Variants in TMEM132C observed in about 807,000 individuals in gnomAD.
TMEM132C encodes protein phosphatase 1, regulatory subunit 152.
Under a neutral mutation model 61.4 loss-of-function variants are expected in TMEM132C, and 29 were observed. The observed-to-expected ratio is 0.47, with a 90% confidence interval of 0.35 to 0.64. TMEM132C has a LOEUF of 0.64. Among genes scored for constraint, TMEM132C ranks in the 30% least tolerant of loss-of-function variants. The probability of loss-of-function intolerance (pLI) is 0.00; values close to 1 mark genes in which losing one functional copy is unlikely to be tolerated. For synonymous variants in TMEM132C, 656 were observed against 633.1 expected (o/e 1.04, Z -0.54); for missense variants, 1,408 against 1,476.9 (o/e 0.95, Z 0.76).
chr12:128,604,740 G>T (rs916165975), intron 3 of TMEM132C, among the ~76,000 whole-genome samples: 4 of 151,930 alleles, frequency 2.6e-5, no homozygotes, highest in African/African-American at 9.7e-5. Flanking sequence ...GATAGATAAT[G>T]GATGGAGGGA....
chr12:128,367,044 A>G (rs1260274012), intron 1 of TMEM132C, among the ~76,000 whole-genome samples: 1 of 152,240 alleles, frequency 6.6e-6, no homozygotes, highest in Non-Finnish European at 1.5e-5. Context: ...TGGGGCCAGA[A>G]TGAAAAGATG....
chr12:128,514,723 G>A (rs1035158667), intron 2 of TMEM132C, among the ~76,000 whole-genome samples: 2 of 152,140 alleles, frequency 1.3e-5, no homozygotes, highest in Admixed American at 1.3e-4. Flanking sequence ...GCAAAGACGA[G>A]GCATTCACCT....
chr12:128,431,494 CA>C (rs1312787917), intron 2 of TMEM132C, among the ~76,000 whole-genome samples: 1 of 150,796 alleles, frequency 6.6e-6, no homozygotes, highest in Non-Finnish European at 1.5e-5. Flanking sequence ...AGCAGATCTT[CA>C]GTGCAGGTGA....
At chr12:128,617,738 G>A (rs1312862603) in intron 4 of TMEM132C, among the ~76,000 whole-genome samples, 3 of 152,020 alleles carry the variant, frequency 2.0e-5, no homozygotes, top group African/African-American at 4.8e-5. Context: ...TGTGGAATGA[G>A]ACTAAGAGCC....
intron 2 of TMEM132C, among the ~76,000 whole-genome samples, chr12:128,480,688 G>A (rs906472590): frequency 1.3e-5 from 2 of 151,844 alleles, no homozygotes; most frequent in Non-Finnish European, 1.5e-5. Flanking sequence ...CTAGCATTTA[G>A]GGTACAGATT....
intron 2 of TMEM132C, among the ~76,000 whole-genome samples, chr12:128,482,654 C>T (rs1032526196): frequency 2.0e-5 from 3 of 151,982 alleles, no homozygotes; most frequent in African/African-American, 4.8e-5. Flanking sequence ...AATTTCAGAA[C>T]GTATTAGTCT....
At chr12:128,409,413 C>T (rs754118805) in intron 1 of TMEM132C, among the ~76,000 whole-genome samples, 2 of 152,016 alleles carry the variant, frequency 1.3e-5, no homozygotes, top group Non-Finnish European at 2.9e-5. Context: ...GACAAGCAGG[C>T]CGGTCCATGG....
chr12:128,581,464 C>T (rs183077681), intron 3 of TMEM132C, among the ~76,000 whole-genome samples: 11 of 152,244 alleles, frequency 7.2e-5, no homozygotes, highest in East Asian at 1.9e-4. Flanking sequence ...CTGTGGGTTT[C>T]GCAGTATTTC....
intron 1 of TMEM132C, among the ~76,000 whole-genome samples, chr12:128,373,539 A>G (rs756520096): frequency 6.6e-6 from 1 of 152,184 alleles, no homozygotes; most frequent in Non-Finnish European, 1.5e-5. Context: ...AGGAAAGGTG[A>G]TGATTGGGAC....
chr12:128,347,376 G>T (rs893189503), intron 1 of TMEM132C, among the ~76,000 whole-genome samples: 1 of 141,232 alleles, frequency 7.1e-6, no homozygotes, highest in Non-Finnish European at 1.5e-5. Context: ...GAATTATGCT[G>T]CCATAAGCAT....
intron 1 of TMEM132C, among the ~76,000 whole-genome samples, chr12:128,299,740 T>G (rs973373092): frequency 1.3e-5 from 2 of 152,256 alleles, no homozygotes; most frequent in African/African-American, 4.8e-5. Context: ...AAAATCCTGC[T>G]GCCGAGGGTC....
chr12:128,639,463 A>G (rs1267966836), intron 4 of TMEM132C, among the ~76,000 whole-genome samples: 2 of 152,142 alleles, frequency 1.3e-5, no homozygotes, highest in East Asian at 1.9e-4. Flanking sequence ...GGTCATGGTC[A>G]TGGTAATAGT....
chr12:128,269,973 A>G (rs915002389), intron 1 of TMEM132C, among the ~76,000 whole-genome samples: 2 of 152,232 alleles, frequency 1.3e-5, no homozygotes, highest in African/African-American at 4.8e-5. Context: ...GGGTTCGGAA[A>G]AGGCAGAATT....
At chr12:128,417,095 G>A (rs1260872030) in intron 2 of TMEM132C, among the ~76,000 whole-genome samples, 1 of 152,092 alleles carries the variant, frequency 6.6e-6, no homozygotes, top group Non-Finnish European at 1.5e-5. Flanking sequence ...TCTGAATACT[G>A]GGTTTGTTTC....
chr12:128,658,510 T>C (rs1954352249), intron 4 of TMEM132C, among the ~76,000 whole-genome samples: 1 of 151,336 alleles, frequency 6.6e-6, no homozygotes, highest in Middle Eastern at 3.2e-3. Context: ...GAAGACATGA[T>C]CTTTTTTTTT....
chr12:128,390,398 C>T (rs951468033), intron 1 of TMEM132C, among the ~76,000 whole-genome samples: 21 of 152,248 alleles, frequency 1.4e-4, no homozygotes, highest in African/African-American at 4.8e-4. Flanking sequence ...TGGCTCCTGG[C>T]CCCTTCCCTA....
chr12:128,611,025 G>C (rs543334636), intron 3 of TMEM132C, among the ~76,000 whole-genome samples: 1 of 152,306 alleles, frequency 6.6e-6, no homozygotes, highest in Admixed American at 6.5e-5. Context: ...ACAAGAAACA[G>C]CTTCCATTTA....
chr12:128,652,330 G>A (rs1040637844), intron 4 of TMEM132C, among the ~76,000 whole-genome samples: 2 of 152,196 alleles, frequency 1.3e-5, no homozygotes, highest in African/African-American at 2.4e-5. Flanking sequence ...CCCTTCCTCC[G>A]GGATGGGAAG....
At chr12:128,515,155 C>T (rs2398415) in intron 2 of TMEM132C, among the ~76,000 whole-genome samples, 14 of 152,340 alleles carry the variant, frequency 9.2e-5, no homozygotes, top group African/African-American at 2.4e-4. Context: ...TCATGAATCA[C>T]GTTCTCCCCT....
Sources: gnomAD v4.1 joint callset for allele counts (sites outside exome capture counted in the v4.1 genomes callset) on GRCh38, gnomAD v4.1.1 for gene constraint, MANE v1.5 for transcripts, NCBI Gene and HGNC (gene_info 2026-07-23, HGNC 2026-07-21) for gene names.